The following TRPC7 variants were observed in gnomAD, a reference collection of about 807,000 sequenced individuals.
The protein encoded by TRPC7 is transient receptor potential cation channel subfamily C member 7.
Under a neutral mutation model 90.1 loss-of-function variants are expected in TRPC7, and 42 were observed. The observed-to-expected ratio is 0.47, with a 90% CI of 0.36 to 0.60. TRPC7 has a LOEUF of 0.60. Among genes scored for constraint, TRPC7 ranks in the 20% least tolerant of loss-of-function variants. TRPC7 has a pLI of 0.00. For synonymous variants in TRPC7, 451 were observed against 436.3 expected (o/e 1.03, Z -0.42); for missense variants, 955 against 1,112.3 (o/e 0.86, Z 2.01).
At chr5:136,307,745 T>C (rs1035331418) in intron 3 of TRPC7, among the ~76,000 whole-genome samples, 1 of 152,152 alleles carries the variant, frequency 6.6e-6, no homozygotes, top group Non-Finnish European at 1.5e-5. Context: ...GGGGGAGTCC[T>C]CACAGCAAGG....
chr5:136,355,721 C>G (rs1303737664), intron 2 of TRPC7, among the ~76,000 whole-genome samples: 1 of 152,126 alleles, frequency 6.6e-6, no homozygotes, highest in African/African-American at 2.4e-5. Context: ...TGGCATGAAC[C>G]CAGGAGGCAG....
chr5:136,228,218 G>A (rs1009947889), intron 8 of TRPC7, among the ~76,000 whole-genome samples: 10 of 152,010 alleles, frequency 6.6e-5, no homozygotes, highest in Non-Finnish European at 1.2e-4. Flanking sequence ...CAGTCTGGGG[G>A]TCAGGGAAGG....
At chr5:136,215,512 A>G (rs1439698947) in intron 11 of TRPC7, among the ~76,000 whole-genome samples, 1 of 152,152 alleles carries the variant, frequency 6.6e-6, no homozygotes, top group African/African-American at 2.4e-5. Flanking sequence ...AACCAATTCA[A>G]TCACATGAGT....
intron 5 of TRPC7, among the ~76,000 whole-genome samples, chr5:136,262,808 C>A (rs1054588954): frequency 6.6e-6 from 1 of 152,136 alleles, no homozygotes; most frequent in Non-Finnish European, 1.5e-5. Flanking sequence ...ATATGACCAC[C>A]ATGGCTTGCT....
At chr5:136,285,908 T>C (rs1352858326) in intron 3 of TRPC7, among the ~76,000 whole-genome samples, 1 of 152,214 alleles carries the variant, frequency 6.6e-6, no homozygotes, top group East Asian at 1.9e-4. Context: ...GAAAGCTTCC[T>C]TGTGTCCCCT....
chr5:136,306,614 A>G (rs1248141104), intron 3 of TRPC7, among the ~76,000 whole-genome samples: 2 of 152,212 alleles, frequency 1.3e-5, no homozygotes, highest in Non-Finnish European at 2.9e-5. Flanking sequence ...TGACTTGCAC[A>G]TATACATCCA....
chr5:136,264,174 C>G (rs968624922), intron 5 of TRPC7, among the ~76,000 whole-genome samples: 1 of 152,080 alleles, frequency 6.6e-6, no homozygotes, highest in Admixed American at 6.5e-5. Flanking sequence ...AGAGACACAT[C>G]CCTTATATTG....
intron 2 of TRPC7, among the ~76,000 whole-genome samples, chr5:136,329,195 T>C (rs1386862911): frequency 6.6e-6 from 1 of 152,146 alleles, no homozygotes; most frequent in Non-Finnish European, 1.5e-5. Context: ...GTCCCCTCTG[T>C]TAGATTCAGA....
intron 3 of TRPC7, among the ~76,000 whole-genome samples, chr5:136,286,286 C>T (rs1465965621): frequency 6.6e-6 from 1 of 152,196 alleles, no homozygotes; most frequent in Non-Finnish European, 1.5e-5. Context: ...TGACAATCCT[C>T]CATCAAATGG....
chr5:136,336,240 A>T (rs566186550), intron 2 of TRPC7, among the ~76,000 whole-genome samples: 186 of 151,946 alleles, frequency 1.2e-3, no homozygotes, highest in Non-Finnish European at 1.9e-3. Context: ...ACTCTATTCC[A>T]CTGTGATAAT....
At chr5:136,281,480 C>T (rs1169820757) in intron 3 of TRPC7, among the ~76,000 whole-genome samples, 3 of 152,202 alleles carry the variant, frequency 2.0e-5, no homozygotes, top group Non-Finnish European at 4.4e-5. Flanking sequence ...GAAAATCCTA[C>T]CTGACACTGA....
At position 136,226,020 on chromosome 5, in the gene TRPC7, C is replaced by T; in HGVS notation, c.2262+14G>A. On this transcript the variant is annotated intron_variant, in intron 9 of 11. Transcript: ENST00000513104. Reference sequence around the variant, plus strand: ...TGCTGCCTTCTCCAGCCTCATAAACCACATGCTACCTACCTTGAATTTGGA... The same window carrying T: ...TGCTGCCTTCTCCAGCCTCATAAACTACATGCTACCTACCTTGAATTTGGA... The T allele has an allele frequency of 6.4e-7, 1 of 1,572,372 alleles. No individual in the cohort carries two copies. The highest frequency in any genetic ancestry group is 8.6e-7 in the Non-Finnish European group (1 of 1,156,578).
intron 2 of TRPC7, among the ~76,000 whole-genome samples, chr5:136,351,145 T>C (rs1760180569): frequency 6.6e-6 from 1 of 152,250 alleles, no homozygotes; most frequent in Non-Finnish European, 1.5e-5. Flanking sequence ...TGATTTTTTT[T>C]TCCAAATATT....
chr5:136,222,500 C>T (rs1755494874), intron 10 of TRPC7, among the ~76,000 whole-genome samples: 1 of 152,152 alleles, frequency 6.6e-6, no homozygotes, highest in Admixed American at 6.5e-5. Context: ...TTGGAAGCTG[C>T]TGTGGGAGGA....
chr5:136,308,359 G>A (rs1052702733), intron 3 of TRPC7, among the ~76,000 whole-genome samples: 2 of 152,240 alleles, frequency 1.3e-5, no homozygotes, highest in African/African-American at 4.8e-5. Flanking sequence ...AACAGTGTTT[G>A]CCAACTACCA....
At chr5:136,344,052 G>T (rs891232682) in intron 2 of TRPC7, among the ~76,000 whole-genome samples, 2 of 152,086 alleles carry the variant, frequency 1.3e-5, no homozygotes, top group Admixed American at 6.6e-5. Flanking sequence ...TGCTAGACTG[G>T]ATAAAGAAAA....
intron 3 of TRPC7, among the ~76,000 whole-genome samples, chr5:136,289,887 C>A (rs565034055): frequency 6.6e-6 from 1 of 152,172 alleles, no homozygotes; most frequent in African/African-American, 2.4e-5. Context: ...CTGGGAGGCA[C>A]CCCCCAGTAG....
chr5:136,271,615 T>G (rs1276967248), intron 4 of TRPC7, among the ~76,000 whole-genome samples: 1 of 152,194 alleles, frequency 6.6e-6, no homozygotes, highest in African/African-American at 2.4e-5. Flanking sequence ...TGTGCATCCA[T>G]AGGGATTAGA....
chr5:136,356,164 C>T (rs1026544822), intron 2 of TRPC7, among the ~76,000 whole-genome samples: 1 of 152,216 alleles, frequency 6.6e-6, no homozygotes, highest in Non-Finnish European at 1.5e-5. Flanking sequence ...CTGATCAAGA[C>T]ATTCCAGGAT....
Sources: allele counts gnomAD v4.1 joint callset (sites outside exome capture counted in the v4.1 genomes callset), GRCh38; gene constraint gnomAD v4.1.1; transcripts MANE v1.5; gene names NCBI Gene and HGNC (gene_info 2026-07-23, HGNC 2026-07-21).